The following RSBN1L variants were observed in gnomAD, a reference collection of about 807,000 sequenced individuals.
The protein encoded by RSBN1L is lysine-specific demethylase RSBN1L.
A neutral mutation model predicts 67.7 loss-of-function variants in RSBN1L; 30 were observed. The ratio of observed to expected loss-of-function variants is 0.44; its 90% CI spans 0.33 to 0.60. The LOEUF is 0.60. RSBN1L is among the 20% of genes least tolerant of loss of function. The probability of loss-of-function intolerance (pLI) is 0.02; values close to 1 mark genes in which losing one functional copy is unlikely to be tolerated. For synonymous variants in RSBN1L, 433 were observed against 387.0 expected (o/e 1.12, Z -1.39); for missense variants, 992 against 1,031.7 (o/e 0.96, Z 0.53).
chr7:77,702,705 G>A (rs765567117), intron 1 of RSBN1L, among the ~76,000 whole-genome samples: 22 of 152,168 alleles, frequency 1.4e-4, no homozygotes. Flanking sequence ...TGACTTAACA[G>A]AAATTAATTT....
intron 3 of RSBN1L, among the ~76,000 whole-genome samples, chr7:77,754,397 T>C (rs1791591331): frequency 6.6e-6 from 1 of 152,204 alleles, no homozygotes; most frequent in South Asian, 2.1e-4. Flanking sequence ...CAACATTGAG[T>C]CTTCCGATCT....
chr7:77,778,894 C>T lies in RSBN1L; in HGVS notation c.2267C>T (p.Pro756Leu). Residue 756 changes from proline (P) to leucine (L), a missense_variant, in exon 8 of 8, where the codon CCT (proline) becomes CTT (leucine). Around this residue, in one of 7 missense-constraint regions of RSBN1L, gnomAD observed 199 missense variants for 167.7 expected, o/e 1.19. Transcript: ENST00000334955. ...GAATTACAGCAGATTAAACATGAAC[C>T]TATTGCATCTGTAAGAATCAAGGAA... ...KYELQQIKHE[P>L]IASVRIKEEP... The T allele has an allele frequency of 6.2e-7, 1 of 1,613,868 alleles. No homozygotes were observed. Among genetic ancestry groups the T allele is most frequent in the Non-Finnish European group, 8.5e-7 (1 of 1,179,822 alleles).
intron 3 of RSBN1L, among the ~76,000 whole-genome samples, chr7:77,750,853 ATTAT>A (rs1224944690): frequency 1.3e-5 from 2 of 152,202 alleles, no homozygotes; most frequent in African/African-American, 4.8e-5. Flanking sequence ...GATCTTAGTG[ATTAT>A]TTATCCCAAC....
At chr7:77,712,714 A>G (rs1286913589) in intron 1 of RSBN1L, among the ~76,000 whole-genome samples, 2 of 152,222 alleles carry the variant, frequency 1.3e-5, no homozygotes, top group East Asian at 3.8e-4. Context: ...TTGCTTACCT[A>G]GTATTCATGT....
chr7:77,759,693 G>A (rs1367182315), intron 3 of RSBN1L: 1 of 152,048 alleles, frequency 6.6e-6, no homozygotes, highest in Non-Finnish European at 1.5e-5. Flanking sequence ...GCTGATACAA[G>A]CTAAAAATAT....
At position 77,696,925 on chromosome 7, in the gene RSBN1L, G is replaced by A; in HGVS notation, c.456G>A (p.Ser152=). Residue 152 remains serine (S), a synonymous_variant, in exon 1 of 8, where the codon TCG becomes TCA. Coordinates refer to ENST00000334955, the MANE Select transcript of RSBN1L (RefSeq NM_198467.3). ...LLLPAAAAAA[S]ANAKSRRPKE... Reference sequence around the variant, plus strand: ...TGCCCGCCGCCGCCGCCGCTGCCTCGGCTAACGCCAAGTCGCGCAGACCTA... The same window carrying A: ...TGCCCGCCGCCGCCGCCGCTGCCTCAGCTAACGCCAAGTCGCGCAGACCTA... 6.2e-7 allele frequency: 1 copy of A among 1,601,918 alleles called. No individual in the cohort carries two copies. The highest frequency in any genetic ancestry group is 1.1e-5 in the South Asian group (1 of 90,784).
At chr7:77,769,001 G>A (rs1470634533) in intron 5 of RSBN1L, among the ~76,000 whole-genome samples, 198 bp downstream of exon 5, 2 of 152,158 alleles carry the variant, frequency 1.3e-5, no homozygotes, top group African/African-American at 4.8e-5. Flanking sequence ...GTAGGCAAAT[G>A]ACAAGAAATT....
intron 2 of RSBN1L, among the ~76,000 whole-genome samples, chr7:77,740,504 A>G (rs1791393825): frequency 6.6e-6 from 1 of 152,232 alleles, no homozygotes. Flanking sequence ...CAGTGCAAAA[A>G]AAGCAGATTC....
intron 1 of RSBN1L, among the ~76,000 whole-genome samples, chr7:77,732,463 G>A (rs565822213): frequency 8.5e-5 from 13 of 152,234 alleles, no homozygotes; most frequent in African/African-American, 2.9e-4. Context: ...CTACCAAGTA[G>A]TGGGGATTAA....
At chr7:77,770,081 A>G (rs1470645235) in intron 5 of RSBN1L, among the ~76,000 whole-genome samples, 2 of 152,218 alleles carry the variant, frequency 1.3e-5, no homozygotes, top group East Asian at 3.8e-4. Flanking sequence ...CTTATTGAAG[A>G]GTATAGTTAG....
intron 1 of RSBN1L, among the ~76,000 whole-genome samples, chr7:77,709,039 G>A (rs75763926): frequency 0.019 from 2,934 of 152,236 alleles, 80 homozygotes; most frequent in African/African-American, 0.066. Flanking sequence ...AACTGAGTTT[G>A]AAATGTAGGC....
chr7:77,747,951 T>C (rs1791506958), intron 2 of RSBN1L, among the ~76,000 whole-genome samples: 1 of 151,920 alleles, frequency 6.6e-6, no homozygotes, highest in Non-Finnish European at 1.5e-5. Flanking sequence ...ATCAAATGGA[T>C]AGAAAAGAGT....
chr7:77,755,184 AC>A (rs1192210189), intron 3 of RSBN1L, among the ~76,000 whole-genome samples: 2 of 152,162 alleles, frequency 1.3e-5, no homozygotes, highest in Non-Finnish European at 2.9e-5. Context: ...CTTAATATAA[AC>A]CACAGCAAAA....
chr7:77,757,497 A>G (rs1457796759), intron 3 of RSBN1L, among the ~76,000 whole-genome samples: 1 of 152,202 alleles, frequency 6.6e-6, no homozygotes, highest in East Asian at 1.9e-4. Flanking sequence ...ACTTTTCCCA[A>G]AGTTTGTAAC....
At chr7:77,720,123 G>A (rs1791096344) in intron 1 of RSBN1L, among the ~76,000 whole-genome samples, 1 of 151,990 alleles carries the variant, frequency 6.6e-6, no homozygotes, top group South Asian at 2.1e-4. Context: ...TATTGTTATT[G>A]TAGTATTTTT....
intron 2 of RSBN1L, among the ~76,000 whole-genome samples, chr7:77,747,329 G>A (rs1791497717): frequency 6.6e-6 from 1 of 152,164 alleles, no homozygotes; most frequent in African/African-American, 2.4e-5. Flanking sequence ...AGACAATGGG[G>A]GAAAGTCCTA....
At position 77,697,020 on chromosome 7, in the gene RSBN1L, GGGA is replaced by G; in HGVS notation, c.556_558del (p.Glu186del). 6.6e-7 allele frequency: 1 copy of G among 1,525,082 alleles called. No homozygotes were observed. Among genetic ancestry groups the G allele is most frequent in the Non-Finnish European group, 8.8e-7 (1 of 1,141,300 alleles). The allele number at this position is 1,525,082 out of a possible 1,614,324, so 94.5% of individuals were successfully genotyped here. On this transcript the variant is annotated inframe_deletion, in exon 1 of 8. Transcript: ENST00000334955. ...GCCCGAGAGGCCGGCGGGGCCTCCC[GGGA>G]GGAGAACGGGGAGGTGAAGCCGCTG... is the stretch of plus-strand genomic sequence containing the variant.
intron 1 of RSBN1L, among the ~76,000 whole-genome samples, chr7:77,711,321 A>G (rs891176652): frequency 1.6e-5 from 2 of 126,702 alleles, no homozygotes; most frequent in African/African-American, 7.0e-5. Context: ...TTTGCATATT[A>G]ATTTTTTTTT....
At chr7:77,724,936 G>A (rs1444783586) in intron 1 of RSBN1L, among the ~76,000 whole-genome samples, 1 of 149,470 alleles carries the variant, frequency 6.7e-6, no homozygotes, top group Non-Finnish European at 1.5e-5. Flanking sequence ...TCCGCCTCCC[G>A]GGTCCAGTCG....
Sources: allele counts gnomAD v4.1 joint callset (sites outside exome capture counted in the v4.1 genomes callset), GRCh38; gene constraint gnomAD v4.1.1; regional missense constraint gnomAD v4.1.1; transcripts MANE v1.5; gene names NCBI Gene and HGNC (gene_info 2026-07-23, HGNC 2026-07-21).